Variants in CCDC169 observed in about 807,000 individuals in gnomAD.
The protein encoded by CCDC169 is coiled-coil domain containing 169.
Under a neutral mutation model 36.0 loss-of-function variants are expected in CCDC169, and 30 were observed. The observed-to-expected ratio is 0.83, with a 90% CI of 0.62 to 1.13. The LOEUF (loss-of-function observed/expected upper bound fraction) is 1.13. CCDC169 is among the 50% of genes most tolerant of loss of function. The probability of loss-of-function intolerance (pLI) is 0.00; values close to 1 mark genes in which losing one functional copy is unlikely to be tolerated. For synonymous variants in CCDC169, 85 were observed against 81.5 expected (o/e 1.04, Z -0.23); for missense variants, 245 against 245.9 (o/e 1.00, Z 0.03).
chr13:36,294,051 C>A (rs1879204647), intron 2 of CCDC169, among the ~76,000 whole-genome samples: 1 of 152,122 alleles, frequency 6.6e-6, no homozygotes, highest in Non-Finnish European at 1.5e-5. Context: ...GAATTTCATT[C>A]TTCCATATAT....
intron 7 of CCDC169, among the ~76,000 whole-genome samples, chr13:36,236,107 T>G (rs1871048514): frequency 6.6e-6 from 1 of 151,840 alleles, no homozygotes; most frequent in Non-Finnish European, 1.5e-5. Flanking sequence ...ACATACTCTC[T>G]CCATCAAAAC....
At chr13:36,279,102 T>TAA (rs34627522) in intron 4 of CCDC169, among the ~76,000 whole-genome samples, 10 of 149,402 alleles carry the variant, frequency 6.7e-5, no homozygotes, top group East Asian at 2.0e-4. Context: ...CTGCCCAAGC[T>TAA]AAAAAAAAAC....
At chr13:36,239,480 C>T (rs1871497103) in intron 7 of CCDC169, among the ~76,000 whole-genome samples, 1 of 152,220 alleles carries the variant, frequency 6.6e-6, no homozygotes, top group African/African-American at 2.4e-5. Flanking sequence ...AATAGCAAAA[C>T]AGACACTTGC....
chr13:36,289,003 A>G (rs191113374), intron 2 of CCDC169, among the ~76,000 whole-genome samples: 294 of 152,284 alleles, frequency 1.9e-3, no homozygotes, highest in Non-Finnish European at 3.2e-3. Flanking sequence ...AAGGTTCATA[A>G]AAGGAAAATT....
chr13:36,272,464 A>AATT (rs1208874076), intron 4 of CCDC169, among the ~76,000 whole-genome samples: 1 of 152,130 alleles, frequency 6.6e-6, no homozygotes, highest in Non-Finnish European at 1.5e-5. Context: ...TAGGGTCCTC[A>AATT]ATTAACCTTC....
chr13:36,278,195 C>CTAT (rs1877076836), intron 4 of CCDC169, among the ~76,000 whole-genome samples: 1 of 152,154 alleles, frequency 6.6e-6, no homozygotes, highest in South Asian at 2.1e-4. Context: ...ACAGAGCTTA[C>CTAT]TATGTCAGGC....
At chr13:36,286,838 T>A (rs991972522) in intron 2 of CCDC169, among the ~76,000 whole-genome samples, 6 of 152,132 alleles carry the variant, frequency 3.9e-5, no homozygotes, top group African/African-American at 1.4e-4. Flanking sequence ...GAGGTAGGGG[T>A]ACTGTGCAGT....
intron 4 of CCDC169, among the ~76,000 whole-genome samples, chr13:36,275,500 G>A (rs1184999787): frequency 3.3e-5 from 5 of 152,140 alleles, no homozygotes; most frequent in Non-Finnish European, 5.9e-5. Context: ...AACCCAGTGA[G>A]GGCTGTCCAC....
intron 4 of CCDC169, among the ~76,000 whole-genome samples, chr13:36,268,854 CA>C (rs1007304633): frequency 6.6e-6 from 1 of 152,110 alleles, no homozygotes; most frequent in African/African-American, 2.4e-5. Context: ...CCTGTAATCC[CA>C]GCACTTTGGG....
At chr13:36,283,771 T>C (rs1470058977) in intron 2 of CCDC169, 69 bp from the exon 3 acceptor site, 7 of 1,188,382 alleles carry the variant, frequency 5.9e-6, no homozygotes, top group Non-Finnish European at 1.2e-6. Flanking sequence ...AAAATAACAT[T>C]ATGAGCTTGA....
At chr13:36,273,756 C>A (rs1293733078) in intron 4 of CCDC169, among the ~76,000 whole-genome samples, 5 of 152,192 alleles carry the variant, frequency 3.3e-5, no homozygotes, top group Admixed American at 2.0e-4. Flanking sequence ...GTACTAATTT[C>A]TAAAGCTTTA....
At position 36,272,112 on chromosome 13, in the gene CCDC169, T is replaced by TA. The variant is rs756194431; in HGVS notation, c.315+11356dup. Among the ~76,000 whole-genome samples the TA allele has an allele frequency of 4.9e-3, 398 of 81,498 alleles. 1 individual carries two copies. The highest frequency in any genetic ancestry group is 0.013 in the African/African-American group (335 of 26,342). 53.5% of individuals were successfully genotyped at this position (81,498 alleles called of 152,430 possible). A position where few individuals can be genotyped will look rare whatever the true frequency, so the allele number is the denominator to read the frequency against. ...AAAAAAAAAAAACTAAAAAAATAAA[T>TA]AAATAAATAAAATAAAATAAAACTA... On this transcript the variant is annotated intron_variant, in intron 4 of 7. Coordinates refer to ENST00000239859, the MANE Select transcript of CCDC169 (RefSeq NM_001144981.3).
Position 36,258,948 on chromosome 13 carries a change from TC to T in CCDC169, c.316-4806del, listed in dbSNP as rs1232362369. On this transcript the variant is annotated intron_variant, in intron 4 of 7. Coordinates refer to ENST00000239859, the MANE Select transcript of CCDC169 (RefSeq NM_001144981.3). ...ACAGTGTGACTGGCCATGTCATCTGTCACAGGTGTGAAAACAATCAAAACCA... is the reference window on the plus strand; with the variant it reads ...ACAGTGTGACTGGCCATGTCATCTGTACAGGTGTGAAAACAATCAAAACCA... Among the ~76,000 whole-genome samples, 5 of 152,276 alleles carry T rather than the reference TC, an allele frequency of 3.3e-5. No individual in the cohort carries two copies. The East Asian group carries it at 9.7e-4, about 29-fold the overall frequency.
intron 7 of CCDC169, among the ~76,000 whole-genome samples, chr13:36,243,963 C>G (rs1045453013): frequency 2.0e-5 from 3 of 152,182 alleles, no homozygotes; most frequent in Non-Finnish European, 4.4e-5. Flanking sequence ...TATGTGCTAA[C>G]ATATGATTAG....
chr13:36,251,588 C>T (rs929234621), intron 6 of CCDC169, among the ~76,000 whole-genome samples: 7 of 152,134 alleles, frequency 4.6e-5, no homozygotes, highest in Non-Finnish European at 7.4e-5. Flanking sequence ...TTATATATCA[C>T]CTTTTTCTTA....
chr13:36,248,557 T>C, intron 7 of CCDC169, 49 bp downstream of exon 7: 15 of 1,525,800 alleles, frequency 9.8e-6, no homozygotes, highest in Non-Finnish European at 1.2e-5. Flanking sequence ...TCAGTGGCAT[T>C]TATGTGCAAA....
downstream of CCDC169, chr13:36,222,675 C>T (rs1290351697): frequency 2.0e-5 from 3 of 152,094 alleles, no homozygotes; most frequent in Non-Finnish European, 4.4e-5. Context: ...AATTTAACTG[C>T]CTATAAGAAT....
At chr13:36,259,244 T>C (rs1874313567) in intron 4 of CCDC169, among the ~76,000 whole-genome samples, 1 of 152,180 alleles carries the variant, frequency 6.6e-6, no homozygotes, top group African/African-American at 2.4e-5. Flanking sequence ...AATTGGTCCC[T>C]GTCTCCCCCT....
intron 2 of CCDC169, among the ~76,000 whole-genome samples, chr13:36,291,371 C>A (rs142666605): frequency 6.6e-6 from 1 of 152,080 alleles, no homozygotes; most frequent in Non-Finnish European, 1.5e-5. Context: ...AACAGTTATG[C>A]CTTTATAGTT....
Sources: allele counts gnomAD v4.1 joint callset (sites outside exome capture counted in the v4.1 genomes callset), GRCh38; gene constraint gnomAD v4.1.1; transcripts MANE v1.5; gene names NCBI Gene and HGNC (gene_info 2026-07-23, HGNC 2026-07-21).